Variants in ADK observed in about 807,000 individuals in gnomAD.
ADK encodes the protein adenosine kinase.
A neutral mutation model predicts 44.7 loss-of-function variants in ADK; 24 were observed. The observed-to-expected ratio is 0.54, with a 90% CI of 0.39 to 0.76. ADK has a LOEUF of 0.76. Ranked by LOEUF, ADK falls within the 30% of genes least tolerant of loss-of-function variation. ADK has a pLI of 0.00. For missense variants in ADK, 321 were observed against 425.1 expected, an observed-to-expected ratio of 0.76 and a Z score of 2.15; for synonymous variants, 128 against 142.6, an observed-to-expected ratio of 0.90 and a Z score of 0.73.
At chr10:74,202,913 A>C (rs745894066) in intron 2 of ADK, among the ~76,000 whole-genome samples, 4 of 152,130 alleles carry the variant, frequency 2.6e-5, no homozygotes, top group Non-Finnish European at 5.9e-5. Context: ...ATTTACTTTA[A>C]TTTTTTGATA....
chr10:74,508,764 C>T (rs749162553), intron 6 of ADK, among the ~76,000 whole-genome samples: 1 of 151,998 alleles, frequency 6.6e-6, no homozygotes, highest in Non-Finnish European at 1.5e-5. Flanking sequence ...ACCATGGGTA[C>T]TCTTAATGTG....
chr10:74,568,185 G>C (rs569237095), intron 7 of ADK, among the ~76,000 whole-genome samples: 25 of 152,106 alleles, frequency 1.6e-4, no homozygotes, highest in Non-Finnish European at 3.4e-4. Flanking sequence ...GCTGTTGTTA[G>C]TGTTTGTACA....
intron 4 of ADK, among the ~76,000 whole-genome samples, chr10:74,333,201 A>T (rs1841281744): frequency 6.6e-6 from 1 of 152,216 alleles, no homozygotes; most frequent in African/African-American, 2.4e-5. Context: ...CAAGAAATTT[A>T]AATTTGTGAT....
chr10:74,469,869 G>A (rs1334178168), intron 6 of ADK, among the ~76,000 whole-genome samples: 17 of 152,208 alleles, frequency 1.1e-4, no homozygotes, highest in Non-Finnish European at 1.5e-5. Flanking sequence ...TTTCATGTAA[G>A]TAGGATCATG....
intron 6 of ADK, among the ~76,000 whole-genome samples, chr10:74,427,727 A>ATGTGTGTGTG (rs35949478): frequency 4.7e-5 from 7 of 148,396 alleles, no homozygotes; most frequent in East Asian, 2.0e-4. Context: ...ATGTATATGT[A>ATGTGTGTGTG]TGTGTGTGTG....
At chr10:74,405,639 G>A (rs940834791) in intron 6 of ADK, among the ~76,000 whole-genome samples, 9 of 151,914 alleles carry the variant, frequency 5.9e-5, no homozygotes, top group African/African-American at 1.5e-4. Context: ...GGTTGTATAC[G>A]TCTTATGAGA....
At chr10:74,341,268 C>T (rs1467631307) in intron 4 of ADK, among the ~76,000 whole-genome samples, 1 of 151,956 alleles carries the variant, frequency 6.6e-6, no homozygotes, top group Non-Finnish European at 1.5e-5. Flanking sequence ...TCCTGTTAAT[C>T]CCAGCAATTA....
intron 4 of ADK, among the ~76,000 whole-genome samples, chr10:74,318,928 C>T (rs556896172): frequency 6.6e-6 from 1 of 152,272 alleles, no homozygotes; most frequent in South Asian, 2.1e-4. Flanking sequence ...AATGTCATTG[C>T]ACTGGACTGA....
intron 2 of ADK, among the ~76,000 whole-genome samples, chr10:74,213,192 G>A (rs1434636336): frequency 6.6e-6 from 1 of 152,028 alleles, no homozygotes; most frequent in Non-Finnish European, 1.5e-5. Flanking sequence ...CCTCCCTGTA[G>A]CCTCCCAGGC....
intron 9 of ADK, among the ~76,000 whole-genome samples, chr10:74,666,007 AATAT>A (rs1228863515): frequency 4.6e-5 from 7 of 152,160 alleles, no homozygotes; most frequent in Non-Finnish European, 1.0e-4. Flanking sequence ...CTAGTGCTAA[AATAT>A]ATAGTTAATT....
intron 3 of ADK, among the ~76,000 whole-genome samples, chr10:74,300,553 A>G (rs1839994550): frequency 6.6e-6 from 1 of 151,722 alleles, no homozygotes; most frequent in Non-Finnish European, 1.5e-5. Flanking sequence ...AGCTTTTTGT[A>G]TTTTTAGTAG....
intron 3 of ADK, among the ~76,000 whole-genome samples, chr10:74,244,801 A>C (rs1283220530): frequency 6.6e-6 from 1 of 152,198 alleles, no homozygotes; most frequent in African/African-American, 2.4e-5. Context: ...CTTCTAAATT[A>C]ATTTTTGTAT....
At chr10:74,574,465 G>A (rs1851110702) in intron 7 of ADK, among the ~76,000 whole-genome samples, 1 of 152,124 alleles carries the variant, frequency 6.6e-6, no homozygotes, top group African/African-American at 2.4e-5. Context: ...CACTGTGCCT[G>A]GCCATTCTTG....
chr10:74,167,910 A>T (rs949983418), intron 1 of ADK, among the ~76,000 whole-genome samples: 6 of 152,150 alleles, frequency 3.9e-5, no homozygotes, highest in Non-Finnish European at 7.4e-5. Flanking sequence ...TTTTTCCTCC[A>T]TTGGGAAATT....
At chr10:74,665,736 TGAGAGAGAGAGAGAGAGAGAGAGA>T (rs59620474) in intron 9 of ADK, among the ~76,000 whole-genome samples, 4 of 116,284 alleles carry the variant, frequency 3.4e-5, no homozygotes, top group South Asian at 3.2e-4. Flanking sequence ...CCTTAGCTCT[TGAGAGAGAGAGAGAGAGAGAGAGA>T]GAGAGAGAGA....
At chr10:74,458,201 C>T (rs1258905354) in intron 6 of ADK, among the ~76,000 whole-genome samples, 1 of 139,064 alleles carries the variant, frequency 7.2e-6, no homozygotes, top group Non-Finnish European at 1.5e-5. Context: ...GTATGATCAC[C>T]GCTCACTGTG....
chr10:74,397,667 C>T (rs1004940771), intron 5 of ADK, among the ~76,000 whole-genome samples: 1 of 151,814 alleles, frequency 6.6e-6, no homozygotes, highest in African/African-American at 2.4e-5. Flanking sequence ...CTTCCTGAGT[C>T]CCTAGGACTA....
intron 6 of ADK, among the ~76,000 whole-genome samples, chr10:74,463,219 G>T (rs1027134368): frequency 6.6e-6 from 1 of 152,062 alleles, no homozygotes; most frequent in African/African-American, 2.4e-5. Flanking sequence ...GGTGGGGGAG[G>T]GGTGGTTTCA....
intron 1 of ADK, among the ~76,000 whole-genome samples, chr10:74,154,480 G>A (rs879554873): frequency 2.0e-5 from 3 of 152,050 alleles, no homozygotes; most frequent in Non-Finnish European, 4.4e-5. Context: ...TGTTGGCTAG[G>A]CTGGTCTTGA....
Sources: gnomAD v4.1 joint callset for allele counts (sites outside exome capture counted in the v4.1 genomes callset) on GRCh38, gnomAD v4.1.1 for gene constraint, MANE v1.5 for transcripts, NCBI Gene and HGNC (gene_info 2026-07-23, HGNC 2026-07-21) for gene names.